Variants in ZNF385D observed in about 807,000 individuals in gnomAD.
ZNF385D encodes zinc finger protein 659.
A neutral mutation model predicts 35.8 loss-of-function variants in ZNF385D; 15 were observed. The observed-to-expected ratio is 0.42, with a 90% CI of 0.28 to 0.64. The LOEUF is 0.64. ZNF385D is among the 30% of genes least tolerant of loss of function. The pLI, the probability that ZNF385D is intolerant of heterozygous loss-of-function variation, is 0.23. For missense variants in ZNF385D, 474 were observed against 494.6 expected, an observed-to-expected ratio of 0.96 and a Z score of 0.39; for synonymous variants, 212 against 186.8, an observed-to-expected ratio of 1.13 and a Z score of -1.10.
intron 2 of ZNF385D, among the ~76,000 whole-genome samples, chr3:22,325,015 G>A (rs1427780074): frequency 2.6e-5 from 4 of 152,152 alleles, no homozygotes; most frequent in Non-Finnish European, 5.9e-5. Flanking sequence ...TATAATAACA[G>A]TACGTACTTT....
In ZNF385D at chr3:21,675,020, AT is replaced by A. The variant is rs566370955; in HGVS notation, c.23-9993del. On this transcript the variant is annotated intron_variant, in intron 1 of 7. Transcript: ENST00000281523. ...CACAGCCTGCTGAGATATTGTACCCATTTTTTTATTGTGTCCAAATTAACAA... is the reference window on the plus strand; with the variant it reads ...CACAGCCTGCTGAGATATTGTACCCATTTTTTATTGTGTCCAAATTAACAA... 7.2e-5 allele frequency among the ~76,000 whole-genome samples: 11 copies of A among 152,052 alleles called. No homozygotes were observed. In the East Asian group the frequency reaches 1.7e-3, roughly 24 times the overall value.
chr3:21,845,246 G>A (rs1289552631), intron 3 of ZNF385D, among the ~76,000 whole-genome samples: 2 of 151,826 alleles, frequency 1.3e-5, no homozygotes, highest in African/African-American at 2.4e-5. Flanking sequence ...ACATAAAGAA[G>A]AAAAACAGTA....
intron 3 of ZNF385D, among the ~76,000 whole-genome samples, chr3:22,107,427 G>A (rs1173937328): frequency 6.6e-6 from 1 of 151,598 alleles, no homozygotes; most frequent in East Asian, 1.9e-4. Flanking sequence ...TTGATACATG[G>A]GGAAAAAAGC....
chr3:21,588,831 C>A (rs906892561), intron 2 of ZNF385D, among the ~76,000 whole-genome samples: 1 of 152,102 alleles, frequency 6.6e-6, no homozygotes, highest in African/African-American at 2.4e-5. Flanking sequence ...TACTGGCACT[C>A]ACCCAGAGAA....
chr3:21,745,286 A>G (rs2069714043), intron 1 of ZNF385D, among the ~76,000 whole-genome samples: 1 of 152,324 alleles, frequency 6.6e-6, no homozygotes, highest in African/African-American at 2.4e-5. Flanking sequence ...AAAAGAAAAA[A>G]CTGAAAGATT....
chr3:22,307,351 A>T (rs1481706068), intron 2 of ZNF385D, among the ~76,000 whole-genome samples: 3 of 152,172 alleles, frequency 2.0e-5, no homozygotes, highest in Non-Finnish European at 2.9e-5. Flanking sequence ...TAGTGTAAGT[A>T]ATAAGAGTTT....
chr3:22,006,590 A>C (rs142876477), intron 3 of ZNF385D, among the ~76,000 whole-genome samples: 65 of 152,250 alleles, frequency 4.3e-4, no homozygotes, highest in African/African-American at 1.5e-3. Flanking sequence ...ACAATAAAGT[A>C]TCAAAAAGTT....
chr3:22,262,554 T>C (rs911286705), intron 2 of ZNF385D, among the ~76,000 whole-genome samples: 3 of 152,024 alleles, frequency 2.0e-5, no homozygotes, highest in African/African-American at 4.8e-5. Flanking sequence ...CAAAGTATAA[T>C]AGCATATGTT....
chr3:22,132,507 T>C (rs972802370), intron 3 of ZNF385D, among the ~76,000 whole-genome samples: 1 of 152,130 alleles, frequency 6.6e-6, no homozygotes, highest in African/African-American at 2.4e-5. Flanking sequence ...GAATAAGATA[T>C]AGGTAAGTTT....
At chr3:22,018,349 C>T (rs562955699) in intron 3 of ZNF385D, among the ~76,000 whole-genome samples, 84 of 151,826 alleles carry the variant, frequency 5.5e-4, no homozygotes, top group African/African-American at 1.9e-3. Flanking sequence ...TTATCATTCT[C>T]AACTCCATTT....
chr3:22,199,648 A>T (rs575704403), intron 2 of ZNF385D, among the ~76,000 whole-genome samples: 1 of 152,290 alleles, frequency 6.6e-6, no homozygotes, highest in East Asian at 1.9e-4. Context: ...AAGATTTCTT[A>T]TCGTTAGCCT....
chr3:21,946,127 C>A (rs978909105), intron 3 of ZNF385D, among the ~76,000 whole-genome samples: 12 of 152,110 alleles, frequency 7.9e-5, no homozygotes, highest in Admixed American at 1.3e-4. Context: ...CACCGGTGAA[C>A]CACAAAATTA....
intron 3 of ZNF385D, among the ~76,000 whole-genome samples, chr3:21,966,643 G>A (rs1418512228): frequency 2.0e-5 from 3 of 152,266 alleles, no homozygotes; most frequent in Admixed American, 1.3e-4. Context: ...GTGCAGTGGT[G>A]CAATCTCGGT....
chr3:22,036,909 G>A (rs371313696), intron 3 of ZNF385D, among the ~76,000 whole-genome samples: 11 of 125,158 alleles, frequency 8.8e-5, no homozygotes, highest in African/African-American at 2.5e-4. Flanking sequence ...TCCCCTTCCC[G>A]TGTCCATGTG....
chr3:22,166,124 C>T (rs540138336), intron 3 of ZNF385D, among the ~76,000 whole-genome samples: 2 of 152,204 alleles, frequency 1.3e-5, no homozygotes, highest in East Asian at 3.9e-4. Context: ...TCAGACCAAA[C>T]CAATATGACC....
chr3:22,107,939 A>G (rs547726054), intron 3 of ZNF385D, among the ~76,000 whole-genome samples: 1 of 151,880 alleles, frequency 6.6e-6, no homozygotes, highest in African/African-American at 2.4e-5. Context: ...CTCCTCCCTC[A>G]TGAAAGTGAT....
chr3:21,706,028 C>T (rs1044124714), intron 1 of ZNF385D, among the ~76,000 whole-genome samples: 7 of 152,182 alleles, frequency 4.6e-5, no homozygotes, highest in African/African-American at 1.7e-4. Flanking sequence ...CATCCCTGTA[C>T]ACGACAGAAC....
intron 2 of ZNF385D, among the ~76,000 whole-genome samples, chr3:22,186,650 G>A (rs1456697583): frequency 1.3e-5 from 2 of 152,004 alleles, no homozygotes; most frequent in Non-Finnish European, 2.9e-5. Flanking sequence ...ATAAGAATTT[G>A]ATATATTTTT....
chr3:21,429,010 A>C (rs1323644463), intron 5 of ZNF385D, among the ~76,000 whole-genome samples: 1 of 145,132 alleles, frequency 6.9e-6, no homozygotes, highest in Non-Finnish European at 1.5e-5. Context: ...CTTAAAATCA[A>C]GTTAATATGG....
Sources: gnomAD v4.1 joint callset for allele counts (sites outside exome capture counted in the v4.1 genomes callset) on GRCh38, gnomAD v4.1.1 for gene constraint, MANE v1.5 for transcripts, NCBI Gene and HGNC (gene_info 2026-07-23, HGNC 2026-07-21) for gene names.